AGBL1: variants seen among roughly 807,000 people sequenced by gnomAD.
AGBL1 encodes cytosolic carboxypeptidase 4.
A neutral mutation model predicts 118.9 loss-of-function variants in AGBL1; 130 were observed. The ratio of observed to expected loss-of-function variants is 1.09; its 90% CI spans 0.95 to 1.26. The LOEUF is 1.26. Ranked by LOEUF, AGBL1 falls within the 50% of genes most tolerant of loss-of-function variation. The pLI is 0.00. For missense variants in AGBL1, 1,584 were observed against 1,298.1 expected, an observed-to-expected ratio of 1.22 and a Z score of -3.38; for synonymous variants, 555 against 478.9, an observed-to-expected ratio of 1.16 and a Z score of -2.08.
intron 22 of AGBL1, among the ~76,000 whole-genome samples, chr15:86,803,137 G>A (rs1240699523): frequency 6.6e-6 from 1 of 152,122 alleles, no homozygotes; most frequent in Non-Finnish European, 1.5e-5. Flanking sequence ...GCACTGACAT[G>A]TTTTGGCTCT....
At chr15:86,693,431 C>G (rs774203163) in intron 22 of AGBL1, among the ~76,000 whole-genome samples, 1 of 151,788 alleles carries the variant, frequency 6.6e-6, no homozygotes, top group East Asian at 1.9e-4. Flanking sequence ...TATCCTTAGC[C>G]CACTTTTTTG....
At chr15:86,266,915 A>C in intron 12 of AGBL1, 75 bp from the exon 13 acceptor site, 1 of 1,239,400 alleles carries the variant, frequency 8.1e-7, no homozygotes, top group South Asian at 1.3e-5. Context: ...AATAATAATG[A>C]AAAAAAGAAT....
chr15:86,903,976 G>A (rs185211305), intron 22 of AGBL1, among the ~76,000 whole-genome samples: 99 of 138,386 alleles, frequency 7.2e-4, no homozygotes, highest in African/African-American at 2.6e-3. Flanking sequence ...CTTGGCTCCC[G>A]CATGAGGGAG....
At chr15:86,437,726 T>C (rs946881588) in intron 18 of AGBL1, among the ~76,000 whole-genome samples, 5 of 152,186 alleles carry the variant, frequency 3.3e-5, no homozygotes, top group Non-Finnish European at 7.3e-5. Flanking sequence ...CCTACCCTTA[T>C]GAGCTCCCAG....
At chr15:86,331,799 T>C (rs755445359) in intron 17 of AGBL1, among the ~76,000 whole-genome samples, 16 of 152,112 alleles carry the variant, frequency 1.1e-4, no homozygotes, top group Non-Finnish European at 7.4e-5. Flanking sequence ...CTTAAGTGAG[T>C]TCTAAACATG....
chr15:86,594,769 C>T (rs1179066371), intron 21 of AGBL1, among the ~76,000 whole-genome samples: 1 of 152,206 alleles, frequency 6.6e-6, no homozygotes, highest in African/African-American at 2.4e-5. Flanking sequence ...AGCAAATACA[C>T]CTGAATACTG....
rs1368419455 is a variant in AGBL1 at position 86,889,339 on chromosome 15, ATCT to A, written c.3159-17743_3159-17741del. On this transcript the variant is annotated intron_variant, in intron 22 of 22. Coordinates refer to ENST00000614907, the MANE Select transcript of AGBL1 (RefSeq NM_001386094.1). ...TCTATATTTCTTTCCAGATGCTCTG[ATCT>A]TCTTTTCTGGGGGGTGGGTGGGGGG... Among the ~76,000 whole-genome samples, 8 of 104,006 alleles carry A rather than the reference ATCT, an allele frequency of 7.7e-5. No homozygotes were observed. In the South Asian group the frequency reaches 2.8e-3, roughly 37 times the overall value. 68.2% of individuals were successfully genotyped at this position (104,006 alleles called of 152,430 possible). A position where few individuals can be genotyped will look rare whatever the true frequency, so the allele number is the denominator to read the frequency against.
chr15:86,740,812 A>C (rs1181928939), intron 22 of AGBL1, among the ~76,000 whole-genome samples: 1 of 152,180 alleles, frequency 6.6e-6, no homozygotes, highest in African/African-American at 2.4e-5. Flanking sequence ...TAATACAATG[A>C]TAAGGTATTT....
chr15:86,985,211 A>G lies in AGBL1; in HGVS notation c.3222-2776A>G, dbSNP rs117165079. Reference sequence around the variant, plus strand: ...AAACCTCTATGGACATTCATGTACAATGCTTTGTGTAGGCATCTATTTTCA... The same window carrying G: ...AAACCTCTATGGACATTCATGTACAGTGCTTTGTGTAGGCATCTATTTTCA... On this transcript the variant is annotated intron_variant, in intron 23 of 24. Transcript: ENST00000441037. Among the ~76,000 whole-genome samples, 1,496 of 152,302 alleles carry G rather than the reference A, an allele frequency of 9.8e-3. 9 individuals are homozygous for G. Among genetic ancestry groups the G allele is most frequent in the Non-Finnish European group, 0.015 (1,031 of 68,024 alleles).
At chr15:86,822,618 C>T (rs564790486) in intron 22 of AGBL1, among the ~76,000 whole-genome samples, 29 of 152,166 alleles carry the variant, frequency 1.9e-4, no homozygotes, top group African/African-American at 6.7e-4. Flanking sequence ...CAGGTCTATG[C>T]GAACCTACCC....
intron 21 of AGBL1, among the ~76,000 whole-genome samples, chr15:86,616,800 T>G (rs2084733683): frequency 1.3e-5 from 2 of 152,202 alleles, no homozygotes; most frequent in South Asian, 4.1e-4. Flanking sequence ...CCTCCTCCTT[T>G]TGTAAATTAT....
At chr15:86,758,770 G>A (rs960078029) in intron 22 of AGBL1, among the ~76,000 whole-genome samples, 1 of 151,736 alleles carries the variant, frequency 6.6e-6, no homozygotes, top group Admixed American at 6.6e-5. Flanking sequence ...ACAGGAGTTT[G>A]AGACTAGCCT....
intron 21 of AGBL1, among the ~76,000 whole-genome samples, chr15:86,559,508 T>C (rs563696984): frequency 1.3e-5 from 2 of 152,158 alleles, no homozygotes; most frequent in Non-Finnish European, 2.9e-5. Flanking sequence ...TTGAGACTCA[T>C]GGCATGTATG....
chr15:86,231,614 T>C (rs2078456125), intron 6 of AGBL1, among the ~76,000 whole-genome samples: 1 of 152,216 alleles, frequency 6.6e-6, no homozygotes, highest in South Asian at 2.1e-4. Context: ...GCAAGAGTTC[T>C]TAGTATGTCA....
intron 22 of AGBL1, among the ~76,000 whole-genome samples, chr15:86,863,217 G>A (rs561257364): frequency 1.6e-4 from 24 of 152,246 alleles, no homozygotes; most frequent in South Asian, 4.1e-4. Flanking sequence ...TAGAGACTCC[G>A]GATAAATGAT....
intron 21 of AGBL1, among the ~76,000 whole-genome samples, chr15:86,649,321 C>A (rs1039331254): frequency 6.6e-6 from 1 of 152,018 alleles, no homozygotes; most frequent in Admixed American, 6.6e-5. Flanking sequence ...GAAGTAAGAT[C>A]ATTGAGAATG....
At chr15:86,820,676 A>G (rs956872264) in intron 22 of AGBL1, among the ~76,000 whole-genome samples, 3 of 152,186 alleles carry the variant, frequency 2.0e-5, no homozygotes, top group African/African-American at 7.2e-5. Context: ...AAAAGTCAGG[A>G]AACAACAGAA....
At chr15:86,580,638 C>T (rs947015699) in intron 21 of AGBL1, among the ~76,000 whole-genome samples, 1 of 151,934 alleles carries the variant, frequency 6.6e-6, no homozygotes, top group African/African-American at 2.4e-5. Flanking sequence ...TACATGTATA[C>T]AATGTATAAT....
At chr15:86,462,989 T>A (rs1342035266) in intron 18 of AGBL1, among the ~76,000 whole-genome samples, 2 of 152,210 alleles carry the variant, frequency 1.3e-5, no homozygotes, top group Non-Finnish European at 2.9e-5. Flanking sequence ...GTATTTCTAG[T>A]TCTAGATCCT....
Sources: allele counts gnomAD v4.1 joint callset (sites outside exome capture counted in the v4.1 genomes callset), GRCh38; gene constraint gnomAD v4.1.1; transcripts MANE v1.5; gene names NCBI Gene and HGNC (gene_info 2026-07-23, HGNC 2026-07-21).